Variants in NRG1 observed in about 807,000 individuals in gnomAD.
The protein encoded by NRG1 is pro-neuregulin-1, membrane-bound isoform.
In NRG1, 18 loss-of-function variants were observed where a neutral mutation model predicts 63.8. The ratio of observed to expected loss-of-function variants is 0.28; its 90% confidence interval spans 0.19 to 0.42. NRG1 has a LOEUF of 0.42. Among genes scored for constraint, NRG1 ranks in the 10% least tolerant of loss-of-function variants. NRG1 has a pLI of 1.00. For missense variants in NRG1, 762 were observed against 814.7 expected (o/e 0.94, Z 0.79); for synonymous variants, 302 against 301.3 (o/e 1.00, Z -0.02).
chr8:32,412,694 A>G (rs1276234846), intron 1 of NRG1, among the ~76,000 whole-genome samples: 1 of 151,816 alleles, frequency 6.6e-6, no homozygotes, highest in African/African-American at 2.4e-5. Flanking sequence ...CTCCCAGACT[A>G]GAAACCTGTA....
At chr8:31,971,961 A>G (rs1240677581) in intron 1 of NRG1, among the ~76,000 whole-genome samples, 2 of 151,906 alleles carry the variant, frequency 1.3e-5, no homozygotes, top group Admixed American at 1.3e-4. Context: ...CATTCTCTGC[A>G]TTTTCTTCCT....
chr8:32,003,951 G>A (rs1813339719), intron 1 of NRG1, among the ~76,000 whole-genome samples: 1 of 151,838 alleles, frequency 6.6e-6, no homozygotes, highest in Admixed American at 6.6e-5. Context: ...TTATTTAAAT[G>A]TGAAAATGAA....
intron 1 of NRG1, among the ~76,000 whole-genome samples, chr8:32,024,652 A>T (rs1816969117): frequency 6.6e-6 from 1 of 152,222 alleles, no homozygotes; most frequent in Non-Finnish European, 1.5e-5. Flanking sequence ...CGGGAGCCAG[A>T]AAGCTGGAAT....
At chr8:32,683,400 A>T (rs1041131249) in intron 5 of NRG1, among the ~76,000 whole-genome samples, 2 of 152,218 alleles carry the variant, frequency 1.3e-5, no homozygotes, top group Non-Finnish European at 2.9e-5. Context: ...TTGACTGTAG[A>T]TGCAAATTGG....
rs34725608 is a variant in NRG1 at position 32,157,049 on chromosome 8, CGTGTGTGTGTGTGT to C, written c.38-438750_38-438737del. Among the ~76,000 whole-genome samples, 97 of 140,998 alleles carry C rather than the reference CGTGTGTGTGTGTGT, an allele frequency of 6.9e-4. No homozygotes were observed. The Middle Eastern group carries it at 0.011, about 16-fold the overall frequency. The allele number at this position is 140,998 out of a possible 152,430, so 92.5% of individuals were successfully genotyped here. Reference sequence around the variant, plus strand: ...AAAAGAAATACTTCAAATTAAAACTCGTGTGTGTGTGTGTGTGTGTGTGTGTGTGTGTGTGTGTG... The same window carrying C: ...AAAAGAAATACTTCAAATTAAAACTCGTGTGTGTGTGTGTGTGTGTGTGTG... On this transcript the variant is annotated intron_variant, in intron 1 of 10. Transcript: ENST00000519301.
intron 1 of NRG1, among the ~76,000 whole-genome samples, chr8:31,943,398 T>G (rs1802054371): frequency 6.6e-6 from 1 of 152,080 alleles, no homozygotes; most frequent in African/African-American, 2.4e-5. Context: ...GTTTGGGGAC[T>G]GGCGAAGGAT....
chr8:32,046,347 T>C (rs1820994707), intron 1 of NRG1, among the ~76,000 whole-genome samples: 1 of 152,104 alleles, frequency 6.6e-6, no homozygotes, highest in African/African-American at 2.4e-5. Context: ...ACGTTGATTA[T>C]AGGGATACAA....
At chr8:32,647,896 C>A in intron 5 of NRG1, 1 of 1,614,108 alleles carries the variant, frequency 6.2e-7, no homozygotes. Context: ...CCCTGCTGTG[C>A]GTGCCTAGAA....
chr8:31,836,603 T>C (rs1825711787), intron 1 of NRG1, among the ~76,000 whole-genome samples: 1 of 151,982 alleles, frequency 6.6e-6, no homozygotes, highest in South Asian at 2.1e-4. Context: ...TGGAGATCTT[T>C]TGATGTGAGT....
At chr8:31,946,869 A>C (rs1802626585) in intron 1 of NRG1, among the ~76,000 whole-genome samples, 1 of 152,180 alleles carries the variant, frequency 6.6e-6, no homozygotes, top group South Asian at 2.1e-4. Context: ...ATACCTATAA[A>C]AGATAGATTT....
chr8:32,674,858 AGACAGT>A (rs1169825994), intron 5 of NRG1, among the ~76,000 whole-genome samples: 2 of 152,202 alleles, frequency 1.3e-5, no homozygotes, highest in African/African-American at 4.8e-5. Context: ...TCACACAAGG[AGACAGT>A]GATATATTTT....
intron 1 of NRG1, among the ~76,000 whole-genome samples, chr8:31,876,756 C>G (rs1173161138): frequency 6.6e-6 from 1 of 152,168 alleles, no homozygotes; most frequent in Non-Finnish European, 1.5e-5. Flanking sequence ...TTCTCTCACT[C>G]TCTTAAAGAA....
intron 1 of NRG1, among the ~76,000 whole-genome samples, chr8:32,380,050 G>A (rs754658730): frequency 3.3e-5 from 5 of 152,064 alleles, no homozygotes; most frequent in Non-Finnish European, 5.9e-5. Context: ...AAAGGCATTT[G>A]TCATCACCAT....
chr8:31,761,217 C>G (rs1316578987), intron 1 of NRG1, among the ~76,000 whole-genome samples: 1 of 152,108 alleles, frequency 6.6e-6, no homozygotes, highest in Non-Finnish European at 1.5e-5. Context: ...AAACCAAACA[C>G]CTCTTGTTCT....
Position 31,736,380 on chromosome 8 carries a change from A to C in NRG1, c.37+96949A>C, listed in dbSNP as rs142909669. On this transcript the variant is annotated intron_variant, in intron 1 of 10. Coordinates refer to the NRG1 transcript ENST00000519301. The stretch of plus-strand genomic sequence containing the variant: ...AGCTAGAATCCACTCTGCACCTGGC[A>C]GTCTGGACATTCTTACCTTGGCTTA... 3.3e-3 allele frequency among the ~76,000 whole-genome samples: 500 copies of C among 152,288 alleles called. 2 individuals are homozygous for C. The highest frequency in any genetic ancestry group is 0.01 in the Middle Eastern group (3 of 294).
At chr8:32,241,696 A>G (rs2129469703) in intron 1 of NRG1, among the ~76,000 whole-genome samples, 1 of 151,328 alleles carries the variant, frequency 6.6e-6, no homozygotes, top group African/African-American at 2.4e-5. Flanking sequence ...ATGTTTCTAA[A>G]ATAGAAATGT....
intron 1 of NRG1, among the ~76,000 whole-genome samples, chr8:31,935,697 T>G (rs912769225): frequency 1.3e-5 from 2 of 152,212 alleles, no homozygotes; most frequent in Non-Finnish European, 2.9e-5. Flanking sequence ...TATCTGTGAC[T>G]CTGTCTCCAA....
In NRG1 at chr8:32,296,529, G is replaced by A. The variant is rs796636388; in HGVS notation, c.38-299299G>A. Among the ~76,000 whole-genome samples, 48 of 150,752 alleles carry A rather than the reference G, an allele frequency of 3.2e-4. 1 individual carries two copies. Among genetic ancestry groups the A allele is most frequent in the African/African-American group, 1.0e-3 (43 of 41,058 alleles). Reference sequence around the variant, plus strand: ...CTTGGGAGGCTGGCACAGGAGAATCGCTTAAACCTGGAAAGTGGAGGTTGC... The same window carrying A: ...CTTGGGAGGCTGGCACAGGAGAATCACTTAAACCTGGAAAGTGGAGGTTGC... On this transcript the variant is annotated intron_variant, in intron 1 of 10. Coordinates refer to the NRG1 transcript ENST00000519301.
At chr8:31,719,235 A>C (rs1272762635) in intron 1 of NRG1, among the ~76,000 whole-genome samples, 1 of 152,138 alleles carries the variant, frequency 6.6e-6, no homozygotes, top group Non-Finnish European at 1.5e-5. Context: ...TCTTCCTTTA[A>C]TCTCATTTGG....
Sources: allele counts gnomAD v4.1 joint callset (sites outside exome capture counted in the v4.1 genomes callset), GRCh38; gene constraint gnomAD v4.1.1; transcripts MANE v1.5; gene names NCBI Gene and HGNC (gene_info 2026-07-23, HGNC 2026-07-21).